Variants in TMEM108 observed in about 807,000 individuals in gnomAD.
TMEM108 encodes transmembrane protein 108.
In TMEM108, 12 loss-of-function variants were observed where a neutral mutation model predicts 35.1. The observed-to-expected ratio is 0.34, with a 90% CI of 0.22 to 0.55. The LOEUF (loss-of-function observed/expected upper bound fraction) is 0.55, where lower values mean the gene tolerates loss of function less well. Ranked by LOEUF, TMEM108 falls within the 20% of genes least tolerant of loss-of-function variation. The pLI is 0.89. For missense variants in TMEM108, 680 were observed against 753.3 expected (o/e 0.90, Z 1.14); for synonymous variants, 287 against 308.6 (o/e 0.93, Z 0.73).
intron 2 of TMEM108, among the ~76,000 whole-genome samples, chr3:133,054,620 C>T (rs1943443867): frequency 6.6e-6 from 1 of 152,216 alleles, no homozygotes; most frequent in African/African-American, 2.4e-5. Context: ...CACTTTCTCC[C>T]TGAACTTGGA....
chr3:133,285,839 G>C (rs1213554558), intron 3 of TMEM108, among the ~76,000 whole-genome samples: 1 of 152,132 alleles, frequency 6.6e-6, no homozygotes, highest in African/African-American at 2.4e-5. Flanking sequence ...TGTTCGTTCT[G>C]GCCCTTGGAT....
intron 3 of TMEM108, chr3:133,257,332 A>T (rs758950136): frequency 6.6e-6 from 1 of 152,230 alleles, no homozygotes; most frequent in Non-Finnish European, 1.5e-5. Context: ...TAATTTGTCT[A>T]TGTTGCTGTG....
At chr3:133,372,899 A>G (rs1047419791) in intron 3 of TMEM108, among the ~76,000 whole-genome samples, 1 of 152,198 alleles carries the variant, frequency 6.6e-6, no homozygotes, top group Non-Finnish European at 1.5e-5. Context: ...ACAGGCATGG[A>G]TTGCCTCTTA....
intron 3 of TMEM108, among the ~76,000 whole-genome samples, chr3:133,343,877 C>G (rs1480606620): frequency 1.3e-5 from 2 of 151,838 alleles, no homozygotes; most frequent in African/African-American, 4.8e-5. Context: ...GGACTGCAGA[C>G]TGGGGAAAGT....
intron 3 of TMEM108, among the ~76,000 whole-genome samples, chr3:133,295,742 C>A (rs558456997): frequency 6.6e-6 from 1 of 152,264 alleles, no homozygotes; most frequent in South Asian, 2.1e-4. Context: ...GGCTTCTGGG[C>A]AACTTGGTTA....
chr3:133,181,028 A>AAAAC lies in TMEM108; in HGVS notation c.-46-48235_-46-48234insCAAA, dbSNP rs1553744610. 6.6e-3 allele frequency among the ~76,000 whole-genome samples: 957 copies of AAAAC among 144,866 alleles called. 14 individuals carry two copies. The highest frequency in any genetic ancestry group is 0.025 in the African/African-American group (909 of 36,136). The stretch of plus-strand genomic sequence containing the variant: ...TGTGTTAAAAAAAAAAAAAAAAAAA[A>AAAAC]AAAAAAAAAACAGCACTCCCAAAGC... On this transcript the variant is annotated intron_variant, in intron 2 of 5. Coordinates refer to ENST00000321871, the MANE Select transcript of TMEM108 (RefSeq NM_023943.4).
chr3:133,099,081 C>T (rs756364288), intron 2 of TMEM108, among the ~76,000 whole-genome samples: 17 of 152,204 alleles, frequency 1.1e-4, no homozygotes, highest in Admixed American at 3.3e-4. Flanking sequence ...CAAACTTTTG[C>T]CTGAGCATTT....
At chr3:133,326,581 G>C (rs2071336177) in intron 3 of TMEM108, among the ~76,000 whole-genome samples, 1 of 152,076 alleles carries the variant, frequency 6.6e-6, no homozygotes, top group African/African-American at 2.4e-5. Flanking sequence ...TAAATGTACT[G>C]GTCTTCTAAG....
chr3:133,136,925 G>A (rs1944572720), intron 2 of TMEM108, among the ~76,000 whole-genome samples: 2 of 152,158 alleles, frequency 1.3e-5, no homozygotes. Context: ...TCAAAGAAAT[G>A]ACTCAGGAGG....
intron 3 of TMEM108, among the ~76,000 whole-genome samples, chr3:133,320,606 A>C (rs1364040312): frequency 1.3e-5 from 2 of 152,236 alleles, no homozygotes; most frequent in African/African-American, 4.8e-5. Flanking sequence ...TGGGGGAATA[A>C]TCAAGGAAAA....
At chr3:133,296,009 G>A (rs1947140072) in intron 3 of TMEM108, among the ~76,000 whole-genome samples, 1 of 152,084 alleles carries the variant, frequency 6.6e-6, no homozygotes, top group Non-Finnish European at 1.5e-5. Context: ...ACTGAGAAGG[G>A]CTCTTGTCCA....
chr3:133,146,577 G>C (rs911135372), intron 2 of TMEM108, among the ~76,000 whole-genome samples: 4 of 152,202 alleles, frequency 2.6e-5, no homozygotes, highest in African/African-American at 9.7e-5. Flanking sequence ...GAATTCAGCT[G>C]TGAATCTGTC....
At chr3:133,100,492 C>T (rs965995347) in intron 2 of TMEM108, among the ~76,000 whole-genome samples, 5 of 152,170 alleles carry the variant, frequency 3.3e-5, no homozygotes, top group African/African-American at 1.2e-4. Flanking sequence ...TAGTTAACAG[C>T]TACTTGGGAG....
At chr3:133,319,231 C>T (rs1041645122) in intron 3 of TMEM108, among the ~76,000 whole-genome samples, 15 of 152,196 alleles carry the variant, frequency 9.9e-5, no homozygotes, top group African/African-American at 3.1e-4. Flanking sequence ...ACACTGCCCC[C>T]GCCTGATGAT....
intron 3 of TMEM108, among the ~76,000 whole-genome samples, chr3:133,314,158 A>G (rs1384848920): frequency 6.6e-6 from 1 of 152,180 alleles, no homozygotes; most frequent in Non-Finnish European, 1.5e-5. Context: ...TCATCTAATG[A>G]AGATAAATGA....
intron 3 of TMEM108, among the ~76,000 whole-genome samples, chr3:133,251,929 A>G (rs372745057): frequency 1.0e-3 from 159 of 152,336 alleles, no homozygotes; most frequent in African/African-American, 3.7e-3. Context: ...CTGACGGCCT[A>G]TGATATGTAG....
chr3:133,163,202 A>G (rs1050045565), intron 2 of TMEM108, among the ~76,000 whole-genome samples: 2 of 152,010 alleles, frequency 1.3e-5, no homozygotes, highest in Admixed American at 6.6e-5. Context: ...CAGGTTGGGG[A>G]ACCCTTTTTT....
At chr3:133,271,186 C>A (rs1946766685) in intron 3 of TMEM108, among the ~76,000 whole-genome samples, 1 of 152,048 alleles carries the variant, frequency 6.6e-6, no homozygotes, top group Non-Finnish European at 1.5e-5. Context: ...ATTGTAGAGA[C>A]CAGGCAAGAC....
At chr3:133,365,583 C>T (rs184554816) in intron 3 of TMEM108, among the ~76,000 whole-genome samples, 291 of 152,270 alleles carry the variant, frequency 1.9e-3, no homozygotes, top group Middle Eastern at 3.4e-3. Context: ...GGGCAGCTAC[C>T]CTTCTGTTAC....
Sources: allele counts gnomAD v4.1 joint callset (sites outside exome capture counted in the v4.1 genomes callset), GRCh38; gene constraint gnomAD v4.1.1; transcripts MANE v1.5; gene names NCBI Gene and HGNC (gene_info 2026-07-23, HGNC 2026-07-21).